LIPJ: variants seen among roughly 807,000 people sequenced by gnomAD.
The protein encoded by LIPJ is lipase family member J.
In LIPJ, 33 loss-of-function variants were observed where a neutral mutation model predicts 39.8. The ratio of observed to expected loss-of-function variants is 0.83; its 90% CI spans 0.63 to 1.11. The LOEUF (loss-of-function observed/expected upper bound fraction) is 1.11. Among genes scored for constraint, LIPJ ranks in the 50% least tolerant of loss-of-function variants. The probability of loss-of-function intolerance (pLI) is 0.00; values close to 1 mark genes in which losing one functional copy is unlikely to be tolerated. For synonymous variants in LIPJ, 128 were observed against 139.2 expected (o/e 0.92, Z 0.57); for missense variants, 422 against 427.9 (o/e 0.99, Z 0.12).
At chr10:88,618,141 G>A in the LIPJ span, 2 of 151,782 alleles carry the variant, frequency 1.3e-5, no homozygotes, top group Non-Finnish European at 2.9e-5. Flanking sequence ...TTTTTTTCAA[G>A]CTGGTATTTT....
intron 8 of LIPJ, among the ~76,000 whole-genome samples, chr10:88,601,539 A>G (rs112912130): frequency 5.3e-5 from 8 of 152,234 alleles, no homozygotes; most frequent in African/African-American, 1.9e-4. Context: ...CAGCAAGACT[A>G]CCATTCTCTG....
the LIPJ span, among the ~76,000 whole-genome samples, chr10:88,617,535 CAGAG>C: frequency 1.5e-4 from 22 of 151,592 alleles, no homozygotes; most frequent in Non-Finnish European, 2.8e-4. Flanking sequence ...ACGGAGAAGA[CAGAG>C]AGGAGGGAAG....
At chr10:88,619,453 C>CCA in the LIPJ span, among the ~76,000 whole-genome samples, 40 of 147,048 alleles carry the variant, frequency 2.7e-4, no homozygotes, top group Non-Finnish European at 4.2e-4. Flanking sequence ...CCCCCTCTTG[C>CCA]CACACACACA....
upstream of LIPJ, chr10:88,585,729 C>A (rs542796761): frequency 6.6e-6 from 1 of 152,206 alleles, no homozygotes; most frequent in East Asian, 1.9e-4. Context: ...ATCATCACAC[C>A]AGTTCAGGCC....
At chr10:88,591,591 C>G in intron 4 of LIPJ, 93 bp downstream of exon 4, 1 of 1,118,120 alleles carries the variant, frequency 8.9e-7, no homozygotes, top group South Asian at 1.7e-5. Context: ...AGAAAAGCAT[C>G]TTAAGATTAA....
chr10:88,588,618 G>T lies in LIPJ; in HGVS notation c.-104+1226G>T, dbSNP rs181129114. On this transcript the variant is annotated intron_variant, in intron 2 of 10. Coordinates refer to ENST00000371939, the Ensembl canonical transcript of LIPJ. ...TGCCATTTTCTTGTTTTCAGTTATG[G>T]GATATTTGACAAGTATTGCTTTTGT... Among the ~76,000 whole-genome samples the T allele has an allele frequency of 2.6e-3, 402 of 151,830 alleles. 1 individual carries two copies. Among genetic ancestry groups the T allele is most frequent in the Non-Finnish European group, 3.6e-3 (247 of 67,758 alleles).
chr10:88,594,439 T>A, intron 5 of LIPJ: 4 of 463,224 alleles, frequency 8.6e-6, no homozygotes, highest in Non-Finnish European at 1.5e-5. Flanking sequence ...TACCCTACTC[T>A]ATTTTTCATA....
At chr10:88,600,279 G>C (rs1851429311) in intron 8 of LIPJ, among the ~76,000 whole-genome samples, 1 of 152,070 alleles carries the variant, frequency 6.6e-6, no homozygotes, top group Non-Finnish European at 1.5e-5. Context: ...CCACTTGACA[G>C]TGGCCAACAT....
downstream of LIPJ, among the ~76,000 whole-genome samples, chr10:88,609,122 A>G (rs560006162): frequency 3.3e-5 from 5 of 152,304 alleles, no homozygotes; most frequent in South Asian, 1.0e-3. Context: ...TTCTTTGTGC[A>G]TTTTGTCCAA....
chr10:88,607,007 A>C, downstream of LIPJ: 1 of 1,271,442 alleles, frequency 7.9e-7, no homozygotes, highest in Non-Finnish European at 1.0e-6. Flanking sequence ...TTTAAAACTA[A>C]ATATGTAGTT....
chr10:88,600,336 T>C (rs1294263645), intron 8 of LIPJ, among the ~76,000 whole-genome samples: 23 of 152,188 alleles, frequency 1.5e-4, no homozygotes, highest in Admixed American at 1.5e-3. Context: ...GTTTGAATAT[T>C]TTATATAGGC....
intron 8 of LIPJ, among the ~76,000 whole-genome samples, chr10:88,600,008 T>A (rs545183385): frequency 1.3e-5 from 2 of 152,048 alleles, no homozygotes; most frequent in Non-Finnish European, 2.9e-5. Flanking sequence ...CTGAAATACA[T>A]TTTAATACTT....
intron 4 of LIPJ, 43 bp downstream of exon 4, chr10:88,591,541 G>A (rs771782664): frequency 1.3e-6 from 2 of 1,546,910 alleles, no homozygotes; most frequent in African/African-American, 2.8e-5. Context: ...TCTGGGGCCT[G>A]AAGTTCTTAA....
At chr10:88,618,622 G>C in the LIPJ span, 3 of 152,674 alleles carry the variant, frequency 2.0e-5, no homozygotes, top group African/African-American at 7.2e-5. Context: ...AGGCAAAAGA[G>C]TTGCAACACC....
intron 8 of LIPJ, among the ~76,000 whole-genome samples, chr10:88,598,990 AATATT>A (rs1211492991): frequency 2.1e-5 from 3 of 143,232 alleles, no homozygotes; most frequent in Non-Finnish European, 3.0e-5. Flanking sequence ...AATAATATAA[AATATT>A]ATATTATATT....
At chr10:88,603,661 T>C (rs573584080) in intron 9 of LIPJ, among the ~76,000 whole-genome samples, 2 of 152,308 alleles carry the variant, frequency 1.3e-5, no homozygotes, top group East Asian at 3.9e-4. Context: ...TTAATAATTC[T>C]CTGATTTAAC....
chr10:88,593,960 G>C (rs778268547), exon 5 of LIPJ: 1 of 1,611,846 alleles, frequency 6.2e-7, no homozygotes, highest in Admixed American at 1.7e-5. Flanking sequence ...GAGGGTTGTT[G>C]TATACTTGCA....
the LIPJ span, among the ~76,000 whole-genome samples, chr10:88,619,841 A>G: frequency 6.6e-6 from 1 of 152,172 alleles, no homozygotes; most frequent in Admixed American, 6.5e-5. Context: ...ATCTTGAGTC[A>G]GGCAAAGATT....
At position 88,596,937 on chromosome 10, in the gene LIPJ, G is replaced by T. The variant is rs768639021; in HGVS notation, c.723+1G>T. On this transcript the variant is annotated splice_donor_variant, in intron 8 of 10. Coordinates refer to ENST00000371939, the Ensembl canonical transcript of LIPJ. LOFTEE classifies it high-confidence loss of function. ...ATATGACCCAAAAAACTTAAATATG[G>T]TAAGAACAAGTTGTATTTGAAATAT... 7.0e-7 allele frequency: 1 copy of T among 1,427,642 alleles called. No individual in the cohort carries two copies. Among genetic ancestry groups the T allele is most frequent in the Non-Finnish European group, 9.7e-7 (1 of 1,034,026 alleles). 88.4% of individuals were successfully genotyped at this position (1,427,642 alleles called of 1,614,324 possible). A position where few individuals can be genotyped will look rare whatever the true frequency, so the allele number is the denominator to read the frequency against.
Sources: allele counts gnomAD v4.1 joint callset (sites outside exome capture counted in the v4.1 genomes callset), GRCh38; gene constraint gnomAD v4.1.1; transcripts MANE v1.5; gene names NCBI Gene and HGNC (gene_info 2026-07-23, HGNC 2026-07-21).